The following PDE11A variants were observed in gnomAD, a reference collection of about 807,000 sequenced individuals.
PDE11A encodes the protein phosphodiesterase 11A.
PDE11A carries 100 observed loss-of-function variants against 100.5 expected under a neutral mutation model. The ratio of observed to expected loss-of-function variants is 1.00; its 90% CI spans 0.85 to 1.18. The LOEUF (loss-of-function observed/expected upper bound fraction) is 1.18, where lower values mean the gene tolerates loss of function less well. Among genes scored for constraint, PDE11A ranks in the 50% most tolerant of loss-of-function variants. PDE11A has a pLI of 0.00. For missense variants in PDE11A, 1,141 were observed against 1,152.6 expected, an observed-to-expected ratio of 0.99 and a Z score of 0.15; for synonymous variants, 381 against 420.8, an observed-to-expected ratio of 0.91 and a Z score of 1.16.
At chr2:177,664,575 T>C (rs1019247194) in intron 18 of PDE11A, among the ~76,000 whole-genome samples, 1 of 152,182 alleles carries the variant, frequency 6.6e-6, no homozygotes, top group Non-Finnish European at 1.5e-5. Context: ...TTTGAGATAA[T>C]TTAGGTATAT....
intron 19 of PDE11A, among the ~76,000 whole-genome samples, chr2:177,637,999 T>TATATATATATATATA (rs1559120768): frequency 2.8e-4 from 10 of 35,352 alleles, no homozygotes; most frequent in African/African-American, 9.4e-4. Context: ...ATATATATAT[T>TATATATATATATATA]TTTTTTTTTT....
At chr2:178,071,077 T>C (rs56189218) in intron 1 of PDE11A, among the ~76,000 whole-genome samples, 3,803 of 152,270 alleles carry the variant, frequency 0.025, 147 homozygotes, top group African/African-American at 0.086. Flanking sequence ...AATATTGACT[T>C]AGAGAATGAA....
intron 15 of PDE11A, among the ~76,000 whole-genome samples, chr2:177,696,752 A>C (rs906406490): frequency 6.6e-6 from 1 of 152,144 alleles, no homozygotes; most frequent in Non-Finnish European, 1.5e-5. Flanking sequence ...TTAAGATAGG[A>C]GAAAATTGTG....
At chr2:177,687,490 TTA>T (rs900532247) in intron 15 of PDE11A, 17 of 152,234 alleles carry the variant, frequency 1.1e-4, no homozygotes, top group African/African-American at 4.1e-4. Flanking sequence ...ACCCATGTTG[TTA>T]TATATAATTC....
intron 2 of PDE11A, among the ~76,000 whole-genome samples, chr2:177,992,036 G>C (rs1410211211): frequency 6.0e-5 from 9 of 151,030 alleles, no homozygotes; most frequent in Non-Finnish European, 1.3e-4. Flanking sequence ...ACCTCTTAGA[G>C]GCTTCCTAAT....
chr2:177,823,099 G>C (rs13397448), intron 6 of PDE11A, among the ~76,000 whole-genome samples: 3,758 of 152,124 alleles, frequency 0.025, 153 homozygotes, highest in African/African-American at 0.085. Context: ...GAGTGAATTA[G>C]ATTGATTGAT....
At chr2:178,065,526 T>C (rs2087031783) in intron 1 of PDE11A, among the ~76,000 whole-genome samples, 1 of 152,230 alleles carries the variant, frequency 6.6e-6, no homozygotes, top group African/African-American at 2.4e-5. Flanking sequence ...ATGTAATTTG[T>C]CCTTGTGTTT....
At position 177,663,896 on chromosome 2, in the gene PDE11A, C is replaced by A. The variant is rs2080526377; in HGVS notation, c.2616G>T (p.Trp872Cys). Residue 872 changes from tryptophan (W) to cysteine (C), a missense_variant, in exon 19 of 20, where the codon TGG (tryptophan) becomes TGT (cysteine). By Grantham distance (215) the Trp-to-Cys change is radical (BLOSUM62 -2). Transcript: ENST00000286063. ...ACAAAGGCATGCAGATGCTATCAATCCACTCCAGTTGCAACCGAGGCAGTT... is the reference window on the plus strand; with the variant it reads ...ACAAAGGCATGCAGATGCTATCAATACACTCCAGTTGCAACCGAGGCAGTT... The part of the protein sequence containing the change: ...KDELPRLQLE[W>C]IDSICMPLYQ... 6.2e-7 allele frequency: 1 copy of A among 1,609,436 alleles called. No homozygotes were observed. The highest frequency in any genetic ancestry group is 8.5e-7 in the Non-Finnish European group (1 of 1,175,722).
intron 5 of PDE11A, among the ~76,000 whole-genome samples, chr2:177,856,601 A>AT (rs1389155612): frequency 6.6e-6 from 1 of 152,120 alleles, no homozygotes; most frequent in Non-Finnish European, 1.5e-5. Context: ...AGAGAAAGAA[A>AT]TTATTTAAAA....
At chr2:177,926,862 T>C (rs2085131759) in intron 2 of PDE11A, 1 of 152,190 alleles carries the variant, frequency 6.6e-6, no homozygotes, top group African/African-American at 2.4e-5. Flanking sequence ...GGTAATTTTT[T>C]TACTCCACAT....
intron 6 of PDE11A, among the ~76,000 whole-genome samples, chr2:177,822,200 T>C (rs2083152188): frequency 6.6e-6 from 1 of 151,990 alleles, no homozygotes. Flanking sequence ...GTGCTTTTCC[T>C]AGAATCCTTA....
chr2:178,035,589 A>G (rs529315214), intron 1 of PDE11A, among the ~76,000 whole-genome samples: 5 of 152,214 alleles, frequency 3.3e-5, no homozygotes, highest in Non-Finnish European at 5.9e-5. Flanking sequence ...AGAAATTTTC[A>G]GGCCAATGTC....
intron 19 of PDE11A, among the ~76,000 whole-genome samples, chr2:177,634,300 A>AT (rs2079999217): frequency 6.6e-6 from 1 of 152,026 alleles, no homozygotes; most frequent in African/African-American, 2.4e-5. Context: ...CAGAATTGCC[A>AT]TACTAGAATA....
At chr2:177,894,284 G>A (rs1308172147) in intron 4 of PDE11A, among the ~76,000 whole-genome samples, 2 of 152,138 alleles carry the variant, frequency 1.3e-5, no homozygotes, top group Admixed American at 1.3e-4. Flanking sequence ...CACATAAATA[G>A]ATACCTTTAC....
chr2:178,031,537 T>A (rs956611609), intron 1 of PDE11A, among the ~76,000 whole-genome samples: 2 of 152,120 alleles, frequency 1.3e-5, no homozygotes, highest in African/African-American at 2.4e-5. Context: ...AAAAATATAA[T>A]TTTTTAAATA....
intron 4 of PDE11A, among the ~76,000 whole-genome samples, chr2:177,877,417 G>C (rs2084258954): frequency 6.6e-6 from 1 of 152,046 alleles, no homozygotes; most frequent in South Asian, 2.1e-4. Flanking sequence ...CACAAGCCTT[G>C]GCTTCCCAAA....
At chr2:177,659,366 C>T (rs1407054228) in intron 19 of PDE11A, among the ~76,000 whole-genome samples, 3 of 151,460 alleles carry the variant, frequency 2.0e-5, no homozygotes, top group Non-Finnish European at 2.9e-5. Context: ...AACCTCATGA[C>T]ATTTTAATAG....
chr2:177,796,503 C>T (rs2082710073), intron 9 of PDE11A, among the ~76,000 whole-genome samples: 1 of 152,062 alleles, frequency 6.6e-6, no homozygotes, highest in Non-Finnish European at 1.5e-5. Flanking sequence ...GTAGGGCTCA[C>T]ACCTGTTAAA....
chr2:177,925,580 G>GT (rs1245005731), intron 2 of PDE11A, among the ~76,000 whole-genome samples: 1 of 152,088 alleles, frequency 6.6e-6, no homozygotes, highest in African/African-American at 2.4e-5. Flanking sequence ...GGGGTTGTTT[G>GT]TTTTTTTCTT....
Sources: allele counts gnomAD v4.1 joint callset (sites outside exome capture counted in the v4.1 genomes callset), GRCh38; gene constraint gnomAD v4.1.1; transcripts MANE v1.5; gene names NCBI Gene and HGNC (gene_info 2026-07-23, HGNC 2026-07-21).